Variants in MAST4 observed in about 807,000 individuals in gnomAD.
MAST4 encodes the protein microtubule associated serine/threonine kinase family member 4, also known as microtubule-associated serine/threonine-protein kinase 4.
In MAST4, 89 loss-of-function variants were observed where a neutral mutation model predicts 162.7. The ratio of observed to expected loss-of-function variants is 0.55; its 90% CI spans 0.46 to 0.65. The LOEUF (loss-of-function observed/expected upper bound fraction) is 0.65, where lower values mean the gene tolerates loss of function less well. MAST4 is among the 30% of genes least tolerant of loss of function. The pLI, the probability that MAST4 is intolerant of heterozygous loss-of-function variation, is 0.00. For missense variants in MAST4, 3,153 were observed against 3,374.0 expected, an observed-to-expected ratio of 0.93 and a Z score of 1.62; for synonymous variants, 1,479 against 1,361.1, an observed-to-expected ratio of 1.09 and a Z score of -1.91.
intron 24 of MAST4, among the ~76,000 whole-genome samples, chr5:67,151,759 C>T (rs943704381): frequency 3.2e-4 from 42 of 132,600 alleles, no homozygotes; most frequent in East Asian, 6.5e-4. Flanking sequence ...TTTTTTTCTT[C>T]TTTTTTTCTT....
At chr5:66,691,939 G>T (rs1161269504) in intron 1 of MAST4, among the ~76,000 whole-genome samples, 1 of 152,094 alleles carries the variant, frequency 6.6e-6, no homozygotes, top group Non-Finnish European at 1.5e-5. Context: ...TACAGTGAAT[G>T]CTGCACAATT....
At chr5:67,148,140 G>A (rs1771334739) in intron 23 of MAST4, among the ~76,000 whole-genome samples, 1 of 152,172 alleles carries the variant, frequency 6.6e-6, no homozygotes, top group South Asian at 2.1e-4. Flanking sequence ...TCAGCACTTC[G>A]AAATGTGCTG....
chr5:66,930,936 GTAAA>G (rs1742127069), intron 4 of MAST4: 1 of 263,780 alleles, frequency 3.8e-6, no homozygotes, highest in Non-Finnish European at 7.8e-6. Context: ...GCTGCGTAGG[GTAAA>G]TAAAGGTTTT....
chr5:66,965,225 C>CTTTTTTTTTTT (rs1187971815), intron 4 of MAST4, among the ~76,000 whole-genome samples: 17 of 84,888 alleles, frequency 2.0e-4, no homozygotes, highest in African/African-American at 3.2e-4. Context: ...TTTTTTTTTG[C>CTTTTTTTTTTT]TTTTTTTTTT....
chr5:66,807,369 G>A (rs979468011), intron 3 of MAST4, among the ~76,000 whole-genome samples: 6 of 152,064 alleles, frequency 3.9e-5, no homozygotes, highest in African/African-American at 9.7e-5. Context: ...GGTGGCGGGC[G>A]CCTTTAGTCC....
chr5:66,955,980 T>G lies in MAST4; in HGVS notation c.674+55998T>G, dbSNP rs568660812. Among the ~76,000 whole-genome samples, 537 of 144,354 alleles carry G rather than the reference T, an allele frequency of 3.7e-3. 3 individuals carry two copies. The highest frequency in any genetic ancestry group is 0.022 in the East Asian group (112 of 5,162). 94.7% of individuals were successfully genotyped at this position (144,354 alleles called of 152,430 possible). A position where few individuals can be genotyped will look rare whatever the true frequency, so the allele number is the denominator to read the frequency against. On this transcript the variant is annotated intron_variant, in intron 4 of 28. Transcript: ENST00000403625. ...TTGATATGTCTTTTAAGGTTTTTTT[T>G]TTTGTTTGTTTGTTTGTTTTTTGGT...
chr5:66,772,371 A>T (rs191878376), intron 2 of MAST4, among the ~76,000 whole-genome samples: 61 of 152,202 alleles, frequency 4.0e-4, no homozygotes, highest in African/African-American at 1.4e-3. Context: ...ACCCTCTTAT[A>T]GGAAACATGG....
At chr5:67,089,490 TCA>T (rs1763604368) in intron 5 of MAST4, among the ~76,000 whole-genome samples, 1 of 152,160 alleles carries the variant, frequency 6.6e-6, no homozygotes. Flanking sequence ...GCCTGGCCAG[TCA>T]CAGTCCAGCT....
intron 1 of MAST4, among the ~76,000 whole-genome samples, chr5:66,653,108 T>A (rs147266938): frequency 6.6e-6 from 1 of 152,332 alleles, no homozygotes; most frequent in Non-Finnish European, 1.5e-5. Flanking sequence ...TAGCTAGTCT[T>A]AAGTGTTACC....
intron 1 of MAST4, among the ~76,000 whole-genome samples, chr5:66,747,239 AAATC>A (rs1198621266): frequency 6.6e-6 from 1 of 152,152 alleles, no homozygotes; most frequent in Non-Finnish European, 1.5e-5. Flanking sequence ...GGAACAGAGA[AAATC>A]AATTCTCTTA....
At chr5:67,142,580 T>G in intron 21 of MAST4, 47 bp downstream of exon 21, 1 of 1,276,430 alleles carries the variant, frequency 7.8e-7, no homozygotes, top group Non-Finnish European at 1.1e-6. Context: ...TGGGAGGATC[T>G]CCCGCTGGCC....
intron 1 of MAST4, among the ~76,000 whole-genome samples, chr5:66,711,997 G>T (rs1028913344): frequency 2.0e-5 from 3 of 152,124 alleles, no homozygotes; most frequent in Non-Finnish European, 4.4e-5. Context: ...AGATATTTAG[G>T]GGGGCCATTT....
chr5:66,683,829 G>T (rs1318556872), intron 1 of MAST4, among the ~76,000 whole-genome samples: 1 of 152,160 alleles, frequency 6.6e-6, no homozygotes, highest in Non-Finnish European at 1.5e-5. Flanking sequence ...TTGAACATTT[G>T]TGTTCCCCTT....
At chr5:67,038,234 A>G (rs1173785414) in intron 4 of MAST4, among the ~76,000 whole-genome samples, 2 of 98,228 alleles carry the variant, frequency 2.0e-5, no homozygotes, top group African/African-American at 3.5e-5. Context: ...TTTTGCCTTT[A>G]GTTTCTCTTT....
At chr5:67,025,780 G>T (rs541461682) in intron 4 of MAST4, among the ~76,000 whole-genome samples, 1 of 152,298 alleles carries the variant, frequency 6.6e-6, no homozygotes, top group East Asian at 1.9e-4. Context: ...AAGAACTATA[G>T]GAAAGGAGTA....
At chr5:66,697,492 A>G (rs1478640749) in intron 1 of MAST4, among the ~76,000 whole-genome samples, 1 of 152,210 alleles carries the variant, frequency 6.6e-6, no homozygotes, top group Non-Finnish European at 1.5e-5. Context: ...AATTTCCACA[A>G]TTATCTGAAA....
At chr5:66,927,889 C>T (rs1471496665) in intron 4 of MAST4, among the ~76,000 whole-genome samples, 1 of 152,186 alleles carries the variant, frequency 6.6e-6, no homozygotes, top group African/African-American at 2.4e-5. Context: ...CTGTTCCATG[C>T]CTCTTCTAGC....
intron 1 of MAST4, among the ~76,000 whole-genome samples, chr5:66,729,730 G>A (rs1235003847): frequency 3.9e-5 from 6 of 152,158 alleles, no homozygotes; most frequent in South Asian, 2.1e-4. Context: ...TAGACGTATC[G>A]TTGCTTTCTC....
intron 4 of MAST4, among the ~76,000 whole-genome samples, chr5:67,049,078 TAC>T (rs1554087510): frequency 2.2e-5 from 3 of 138,784 alleles, no homozygotes; most frequent in Admixed American, 7.4e-5. Context: ...TATATATATA[TAC>T]ACTACCATAC....
Sources: allele counts gnomAD v4.1 joint callset (sites outside exome capture counted in the v4.1 genomes callset), GRCh38; gene constraint gnomAD v4.1.1; transcripts MANE v1.5; gene names NCBI Gene and HGNC (gene_info 2026-07-23, HGNC 2026-07-21).